Variants in MALSU1 observed in about 807,000 individuals in gnomAD.
MALSU1 encodes the protein mitochondrial assembly of ribosomal large subunit 1.
In MALSU1, 22 loss-of-function variants were observed where a neutral mutation model predicts 22.1. The ratio of observed to expected loss-of-function variants is 1.00; its 90% CI spans 0.71 to 1.42. The LOEUF is 1.42. Among genes scored for constraint, MALSU1 ranks in the 40% most tolerant of loss-of-function variants. The probability of loss-of-function intolerance (pLI) is 0.00; values close to 1 mark genes in which losing one functional copy is unlikely to be tolerated. For synonymous variants in MALSU1, 153 were observed against 118.5 expected, an observed-to-expected ratio of 1.29 and a Z score of -1.89; for missense variants, 379 against 308.3, an observed-to-expected ratio of 1.23 and a Z score of -1.72.
At chr7:23,309,251 T>G in intron 3 of MALSU1, 105 bp from the exon 4 acceptor site, 148 of 1,056,408 alleles carry the variant, frequency 1.4e-4, no homozygotes, top group Non-Finnish European at 1.9e-4. Context: ...GAACCACACT[T>G]GAGAACCACT....
At position 23,309,797 on chromosome 7, in the gene MALSU1, G is replaced by GTT. The variant is rs1562659474; in HGVS notation, c.*255_*256dup. On this transcript the variant is annotated 3_prime_UTR_variant, in exon 4 of 4. Coordinates refer to ENST00000466681, the MANE Select transcript of MALSU1 (RefSeq NM_138446.2). ...GGAAATGTCATCAGAATTTCCTGGA[G>GTT]TTAGCACTGGCTCCTGTGCTTGACT... The GTT allele has an allele frequency of 7.8e-6, 2 of 257,160 alleles. No individual in the cohort carries two copies. The highest frequency in any genetic ancestry group is 1.5e-5 in the Non-Finnish European group (2 of 136,788). The allele number at this position is 257,160 out of a possible 1,614,324, so 15.9% of individuals were successfully genotyped here.
chr7:23,301,336 C>T (rs1783642704), intron 2 of MALSU1: 2 of 185,380 alleles, frequency 1.1e-5, no homozygotes, highest in Admixed American at 5.8e-5. Context: ...TCTCTGCTCA[C>T]CGCAACCTCC....
Position 23,300,940 on chromosome 7 carries a change from T to TA in MALSU1, c.359dup (p.Tyr120Ter). 1 of 1,614,010 alleles carries TA rather than the reference T, an allele frequency of 6.2e-7. No homozygotes were observed. Residue 120 changes from tyrosine to a stop codon, truncating the protein, a stop_gained and frameshift_variant, in exon 2 of 4, where the codon TAT (tyrosine) becomes TAAT (stop). Coordinates refer to ENST00000466681, the MANE Select transcript of MALSU1 (RefSeq NM_138446.2). LOFTEE classifies it high-confidence loss of function. Reference protein sequence around the residue: ...CVIQVPPEMRYTDYFVIVSGT... With the variant: ...CVIQVPPEMR ...GATCCAGGTTCCTCCAGAAATGAGA[T>TA]ATACAGATTACTTTGTGATTGTTAG...
chr7:23,309,273 A>C, intron 3 of MALSU1, 83 bp from the exon 4 acceptor site: 6 of 1,257,532 alleles, frequency 4.8e-6, no homozygotes, highest in Non-Finnish European at 6.6e-6. Flanking sequence ...CTTTATTCCT[A>C]GAGTTAGCCA....
In MALSU1 at chr7:23,309,394, G is replaced by C. The variant is rs770926609; in HGVS notation, c.556G>C (p.Glu186Gln). Reference sequence around the variant, plus strand: ...TCATTTGATGCTTCCAGAAACCAGAGAAATCTATGAATTAGAGAAATTATG... The same window carrying C: ...TCATTTGATGCTTCCAGAAACCAGACAAATCTATGAATTAGAGAAATTATG... Reference protein sequence around the residue: ...VIHLMLPETREIYELEKLWTL... With the variant: ...VIHLMLPETRQIYELEKLWTL... Residue 186 changes from glutamate to glutamine, a missense_variant, in exon 4 of 4, where the codon GAA (glutamate) becomes CAA (glutamine). By Grantham distance (29) the Glu-to-Gln change is conservative. Transcript: ENST00000466681. 3.1e-6 allele frequency: 5 copies of C among 1,612,850 alleles called. No homozygotes were observed. The highest frequency in any genetic ancestry group is 2.2e-5 in the South Asian group (2 of 90,858).
chr7:23,307,992 C>A (rs760765202), intron 3 of MALSU1, 43 bp downstream of exon 3: 4 of 1,331,080 alleles, frequency 3.0e-6, no homozygotes, highest in Non-Finnish European at 4.3e-6. Context: ...GTTGGTACTA[C>A]GCTAATCTTG....
rs769131110 is a variant in MALSU1 at position 23,300,971 on chromosome 7, C to T, written c.389C>T (p.Thr130Ile). 1.9e-6 allele frequency: 3 copies of T among 1,613,980 alleles called. No individual in the cohort carries two copies. Among genetic ancestry groups the T allele is most frequent in the Admixed American group, 1.7e-5 (1 of 59,994 alleles). ...YTDYFVIVSG[T>I]STRHLHAMAF... Reference sequence around the variant, plus strand: ...GATTACTTTGTGATTGTTAGTGGAACTTCTACCCGACACTTACATGCCATG... The same window carrying T: ...GATTACTTTGTGATTGTTAGTGGAATTTCTACCCGACACTTACATGCCATG... The change falls in exon 2 of 4, where the codon ACT becomes ATT. Residue 130 changes from threonine to isoleucine, a missense_variant. Coordinates refer to ENST00000466681, the MANE Select transcript of MALSU1 (RefSeq NM_138446.2).
At chr7:23,300,526 T>G (rs1187018244) in intron 1 of MALSU1, among the ~76,000 whole-genome samples, 1 of 152,218 alleles carries the variant, frequency 6.6e-6, no homozygotes, top group African/African-American at 2.4e-5. Flanking sequence ...TTTCTGTGAT[T>G]GTGGTGTATT....
intron 2 of MALSU1, among the ~76,000 whole-genome samples, chr7:23,306,688 T>G (rs1583861141): frequency 1.3e-5 from 2 of 152,354 alleles, no homozygotes; most frequent in East Asian, 3.9e-4. Context: ...CAGTTCAGAT[T>G]ATCATATAGA....
chr7:23,300,771 C>T, intron 1 of MALSU1, 68 bp from the exon 2 acceptor site: 2 of 1,329,792 alleles, frequency 1.5e-6, no homozygotes, highest in Non-Finnish European at 2.1e-6. Flanking sequence ...CAGCTGCCGG[C>T]ATCTCTGGGT....
chr7:23,299,562 G>A lies in MALSU1; in HGVS notation c.210G>A (p.Arg70=). ...GLHSEPGLEE[R]AEGTVNEGRP... ...ACAGCGAGCCTGGGCTGGAGGAGCG[G>A]GCGGAGGGGACGGTCAACGAGGGAC... Residue 70 remains arginine, a synonymous_variant, in exon 1 of 4, where the codon CGG becomes CGA. Coordinates refer to ENST00000466681, the MANE Select transcript of MALSU1 (RefSeq NM_138446.2). 6.2e-7 allele frequency: 1 copy of A among 1,609,118 alleles called. No individual in the cohort carries two copies. Among genetic ancestry groups the A allele is most frequent in the East Asian group, 2.2e-5 (1 of 44,620 alleles).
chr7:23,304,472 A>G (rs780683125), intron 2 of MALSU1, among the ~76,000 whole-genome samples: 4 of 152,142 alleles, frequency 2.6e-5, no homozygotes, highest in Non-Finnish European at 5.9e-5. Context: ...GGCCATTTGT[A>G]TATATTCTTT....
chr7:23,307,998 T>G (rs1783746290), intron 3 of MALSU1, 49 bp downstream of exon 3: 1 of 1,298,112 alleles, frequency 7.7e-7, no homozygotes, highest in African/African-American at 1.5e-5. Context: ...ACTACGCTAA[T>G]CTTGAATTGT....
chr7:23,306,861 C>G (rs1783729044), intron 2 of MALSU1, among the ~76,000 whole-genome samples: 1 of 152,094 alleles, frequency 6.6e-6, no homozygotes, highest in Non-Finnish European at 1.5e-5. Flanking sequence ...ATTTTTGCAT[C>G]AAATGTTCAT....
intron 2 of MALSU1, among the ~76,000 whole-genome samples, chr7:23,301,507 C>T (rs1783648273): frequency 6.6e-6 from 1 of 152,128 alleles, no homozygotes; most frequent in South Asian, 2.1e-4. Context: ...GATCCGCCTG[C>T]CTCAGCCTCC....
chr7:23,305,491 T>G (rs1783711666), intron 2 of MALSU1, among the ~76,000 whole-genome samples: 1 of 151,428 alleles, frequency 6.6e-6, no homozygotes, highest in Non-Finnish European at 1.5e-5. Context: ...TTCTCCTGCC[T>G]CAGCCTCCCA....
Position 23,310,805 on chromosome 7 carries a change from G to T in MALSU1, c.*1262G>T, listed in dbSNP as rs1318066804. 6.6e-6 allele frequency: 1 copy of T among 151,652 alleles called. No homozygotes were observed. The highest frequency in any genetic ancestry group is 2.4e-5 in the African/African-American group (1 of 41,266). 9.4% of individuals were successfully genotyped at this position (151,652 alleles called of 1,614,324 possible). ...GAGGCAGTGATTTTTTTTTTAAAGG[G>T]TTATATATATGTCCTTTAGATCAGT... is the stretch of plus-strand genomic sequence containing the variant. On this transcript the variant is annotated 3_prime_UTR_variant, in exon 4 of 4. Transcript: ENST00000466681.
rs1334342831 is a variant in MALSU1 at position 23,310,446 on chromosome 7, T to TA, written c.*904dup. On this transcript the variant is annotated 3_prime_UTR_variant, in exon 4 of 4. Transcript: ENST00000466681. ...ATATGACAGAATTTAAACCAGCAGATATAAATGCAGCACCTATGTGTATAT... is the reference window on the plus strand; with the variant it reads ...ATATGACAGAATTTAAACCAGCAGATAATAAATGCAGCACCTATGTGTATAT... The TA allele has an allele frequency of 1.3e-5, 2 of 152,190 alleles. No homozygotes were observed. The highest frequency in any genetic ancestry group is 2.4e-5 in the African/African-American group (1 of 41,438). 9.4% of individuals were successfully genotyped at this position (152,190 alleles called of 1,614,324 possible). A position where few individuals can be genotyped will look rare whatever the true frequency, so the allele number is the denominator to read the frequency against.
chr7:23,299,756 G>A (rs563836610), intron 1 of MALSU1, 148 bp downstream of exon 1: 2 of 972,294 alleles, frequency 2.1e-6, no homozygotes, highest in African/African-American at 1.6e-5. Flanking sequence ...GACTTCAAAG[G>A]TTGTTGGCGC....
Sources: gnomAD v4.1 joint callset for allele counts (sites outside exome capture counted in the v4.1 genomes callset) on GRCh38, gnomAD v4.1.1 for gene constraint, MANE v1.5 for transcripts, NCBI Gene and HGNC (gene_info 2026-07-23, HGNC 2026-07-21) for gene names.